The following F13A1 variants were observed in gnomAD, a reference collection of about 807,000 sequenced individuals.
F13A1 encodes the protein coagulation factor XIII A chain, also known as FSF, A subunit.
A neutral mutation model predicts 80.1 loss-of-function variants in F13A1; 47 were observed. The observed-to-expected ratio is 0.59, with a 90% confidence interval of 0.46 to 0.75. F13A1 has a LOEUF of 0.75. F13A1 is among the 30% of genes least tolerant of loss of function. F13A1 has a pLI of 0.00. For synonymous variants in F13A1, 349 were observed against 344.9 expected (o/e 1.01, Z -0.13); for missense variants, 817 against 930.4 (o/e 0.88, Z 1.59).
intron 2 of F13A1, among the ~76,000 whole-genome samples, chr6:6,312,913 AAATTT>A (rs1758626289): frequency 6.6e-6 from 1 of 152,120 alleles, no homozygotes. Context: ...TGATTCAACA[AAATTT>A]ATTTCATTGC....
At position 6,243,461 on chromosome 6, in the gene F13A1, A is replaced by G. The variant is rs148258009; in HGVS notation, c.798+4851T>C. On this transcript the variant is annotated intron_variant, in intron 6 of 14. Coordinates refer to ENST00000264870, the MANE Select transcript of F13A1 (RefSeq NM_000129.4). This position sits in a 1 kb window ranked among gnomAD's most constrained non-coding sequence, Gnocchi z 4.2. Reference sequence around the variant, plus strand: ...GCCCCAGTGCCTATGGCTATTTAGAATCCTCTGATTGATACCTTTCTTCAC... The same window carrying G: ...GCCCCAGTGCCTATGGCTATTTAGAGTCCTCTGATTGATACCTTTCTTCAC... Among the ~76,000 whole-genome samples the G allele has an allele frequency of 1.6e-4, 25 of 152,232 alleles. No homozygotes were observed. Among genetic ancestry groups the G allele is most frequent in the African/African-American group, 5.8e-4 (24 of 41,554 alleles).
chr6:6,292,744 C>A (rs1339142466), intron 3 of F13A1, among the ~76,000 whole-genome samples: 1 of 152,178 alleles, frequency 6.6e-6, no homozygotes, highest in Non-Finnish European at 1.5e-5. Flanking sequence ...AATGCTTGAG[C>A]GGGTGATGAA....
intron 10 of F13A1, among the ~76,000 whole-genome samples, chr6:6,184,861 T>C (rs1207673288): frequency 6.6e-6 from 1 of 152,102 alleles, no homozygotes; most frequent in African/African-American, 2.4e-5. Context: ...GTGGCTTTTG[T>C]ATATGTGTGT....
At chr6:6,307,280 A>T (rs2113187272) in intron 2 of F13A1, among the ~76,000 whole-genome samples, 1 of 152,262 alleles carries the variant, frequency 6.6e-6, no homozygotes, top group East Asian at 1.9e-4. Flanking sequence ...TGCAGGATGC[A>T]GTTTTATTTT....
intron 6 of F13A1, among the ~76,000 whole-genome samples, chr6:6,237,376 T>A (rs78312271): frequency 0.026 from 3,956 of 152,244 alleles, 180 homozygotes; most frequent in African/African-American, 0.09. Flanking sequence ...TGGCTCTTCA[T>A]CCTTGATTTT....
intron 12 of F13A1, among the ~76,000 whole-genome samples, chr6:6,173,163 G>C (rs1430327102): frequency 6.6e-6 from 1 of 152,196 alleles, no homozygotes; most frequent in Non-Finnish European, 1.5e-5. Flanking sequence ...GTGGTCAACT[G>C]TTGTGCCCAC....
intron 12 of F13A1, among the ~76,000 whole-genome samples, chr6:6,170,956 G>T (rs1760761800): frequency 6.6e-6 from 1 of 152,142 alleles, no homozygotes; most frequent in South Asian, 2.1e-4. Flanking sequence ...ACAACCTGGG[G>T]CTGGCCAAGC....
chr6:6,297,915 T>C (rs1014476395), intron 3 of F13A1, among the ~76,000 whole-genome samples: 16 of 150,102 alleles, frequency 1.1e-4, no homozygotes, highest in Non-Finnish European at 2.1e-4. Flanking sequence ...ACACACTGCT[T>C]TGAATGCGTC....
intron 14 of F13A1, among the ~76,000 whole-genome samples, chr6:6,150,137 A>C (rs1015465466): frequency 6.6e-6 from 1 of 152,146 alleles, no homozygotes; most frequent in African/African-American, 2.4e-5. Flanking sequence ...TTTCCGGTAC[A>C]CTCAGATAAA....
intron 10 of F13A1, among the ~76,000 whole-genome samples, chr6:6,191,022 A>G (rs1761184863): frequency 6.6e-6 from 1 of 152,228 alleles, no homozygotes; most frequent in African/African-American, 2.4e-5. Flanking sequence ...TTTGACTAGG[A>G]AAGGGAACTC....
At chr6:6,167,823 C>G (rs965914813) in intron 12 of F13A1, among the ~76,000 whole-genome samples, 1 of 152,182 alleles carries the variant, frequency 6.6e-6, no homozygotes, top group Admixed American at 6.5e-5. Context: ...ATTTAATATT[C>G]ATTGAAGTCT....
chr6:6,197,995 C>T (rs919612426), intron 8 of F13A1, among the ~76,000 whole-genome samples: 2 of 152,200 alleles, frequency 1.3e-5, no homozygotes, highest in African/African-American at 2.4e-5. Context: ...TTAACCAAAA[C>T]TGAAATATTT....
At chr6:6,292,608 C>T (rs1469739362) in intron 3 of F13A1, among the ~76,000 whole-genome samples, 1 of 152,186 alleles carries the variant, frequency 6.6e-6, no homozygotes, top group Non-Finnish European at 1.5e-5. Flanking sequence ...TCCAACACCG[C>T]CGCTGGCTTT....
At position 6,295,189 on chromosome 6, in the gene F13A1, A is replaced by G. The variant is rs1342225212; in HGVS notation, c.319+10162T>C. On this transcript the variant is annotated intron_variant, in intron 3 of 14. Coordinates refer to ENST00000264870, the MANE Select transcript of F13A1 (RefSeq NM_000129.4). ...TTCCAAGTCTTTGCTATTGTGAATA[A>G]TGCCGCAATAAACATACGTGTGCAT... 8.2e-5 allele frequency among the ~76,000 whole-genome samples: 12 copies of G among 146,118 alleles called. No individual in the cohort carries two copies. The East Asian group carries it at 2.0e-3, about 24-fold the overall frequency.
intron 14 of F13A1, among the ~76,000 whole-genome samples, chr6:6,146,158 T>C (rs1157317614): frequency 6.6e-6 from 1 of 152,174 alleles, no homozygotes; most frequent in Non-Finnish European, 1.5e-5. Flanking sequence ...TTGCCACTAG[T>C]TTCCTCCTGG....
At chr6:6,253,505 G>A (rs1171804310) in intron 4 of F13A1, among the ~76,000 whole-genome samples, 1 of 152,144 alleles carries the variant, frequency 6.6e-6, no homozygotes, top group Non-Finnish European at 1.5e-5. Context: ...AGGATGAGAG[G>A]CACCAGAGCA....
At chr6:6,281,825 C>T (rs1758069960) in intron 3 of F13A1, among the ~76,000 whole-genome samples, 1 of 151,828 alleles carries the variant, frequency 6.6e-6, no homozygotes, top group African/African-American at 2.4e-5. Context: ...AACCCCGCCT[C>T]TACTAAAAAT....
chr6:6,204,797 G>A (rs1353393333), intron 8 of F13A1, among the ~76,000 whole-genome samples: 2 of 152,246 alleles, frequency 1.3e-5, no homozygotes, highest in Non-Finnish European at 2.9e-5. Context: ...ATGGAGCTGC[G>A]AGCATGACAC....
intron 12 of F13A1, 84 bp from the exon 13 acceptor site, chr6:6,167,702 C>T: frequency 2.0e-6 from 3 of 1,489,530 alleles, no homozygotes; most frequent in Non-Finnish European, 2.7e-6. Flanking sequence ...CCCTACCCCT[C>T]CCACATTAGC....
Sources: gnomAD v4.1 joint callset for allele counts (sites outside exome capture counted in the v4.1 genomes callset) on GRCh38, gnomAD v4.1.1 for gene constraint, Gnocchi (gnomAD v3.1) non-coding constraint, MANE v1.5 for transcripts, NCBI Gene and HGNC (gene_info 2026-07-23, HGNC 2026-07-21) for gene names.